The following CTSS variants were observed in gnomAD, a reference collection of about 807,000 sequenced individuals.
CTSS encodes cathepsin S.
In CTSS, 15 loss-of-function variants were observed where a neutral mutation model predicts 39.9. That is an observed-to-expected ratio of 0.38 (90% CI 0.25 to 0.58). The LOEUF (loss-of-function observed/expected upper bound fraction) is 0.58, where lower values mean the gene tolerates loss of function less well. Among genes scored for constraint, CTSS ranks in the 20% least tolerant of loss-of-function variants. CTSS has a pLI of 0.70. For synonymous variants in CTSS, 126 were observed against 138.2 expected (o/e 0.91, Z 0.62); for missense variants, 250 against 398.2 (o/e 0.63, Z 3.17).
At chr1:150,745,094 G>T (rs370443598) in intron 7 of CTSS, among the ~76,000 whole-genome samples, 2 of 152,118 alleles carry the variant, frequency 1.3e-5, no homozygotes, top group South Asian at 4.1e-4. Context: ...TTTCCCCATG[G>T]GCCATACGAA....
At chr1:150,757,099 G>A (rs1370963684) in intron 3 of CTSS, among the ~76,000 whole-genome samples, 5 of 152,166 alleles carry the variant, frequency 3.3e-5, no homozygotes, top group Non-Finnish European at 7.3e-5. Context: ...AGAAAAAACA[G>A]TAATAGTTGT....
chr1:150,764,875 T>G, intron 1 of CTSS, 111 bp from the exon 2 acceptor site: 4 of 1,275,694 alleles, frequency 3.1e-6, no homozygotes, highest in Non-Finnish European at 4.4e-6. Context: ...GGACAGACTA[T>G]TATAAACAGA....
chr1:150,752,202 G>A (rs1653022159), intron 4 of CTSS, among the ~76,000 whole-genome samples, 194 bp from the exon 5 acceptor site: 1 of 152,170 alleles, frequency 6.6e-6, no homozygotes, highest in Non-Finnish European at 1.5e-5. Context: ...ATCTAGGCAA[G>A]GTCCAACCTT....
In CTSS at chr1:150,732,285, A is replaced by G. The variant is rs1191555803; in HGVS notation, c.*761T>C. 4 of 152,136 alleles carry G rather than the reference A, an allele frequency of 2.6e-5. No individual in the cohort carries two copies. The highest frequency in any genetic ancestry group is 1.3e-4 in the Admixed American group (2 of 15,276). 9.4% of individuals were successfully genotyped at this position (152,136 alleles called of 1,614,324 possible). On this transcript the variant is annotated 3_prime_UTR_variant, in exon 8 of 8. Transcript: ENST00000368985. ...TATAGCCTAATATTTTCTTCCATCA[A>G]AGTTGCTAAACCCCATCACCAGAAT...
chr1:150,739,967 T>C (rs1652715084), intron 7 of CTSS, among the ~76,000 whole-genome samples: 1 of 152,242 alleles, frequency 6.6e-6, no homozygotes. Flanking sequence ...TGCAATGGAC[T>C]ACACATGCAC....
intron 3 of CTSS, 53 bp downstream of exon 3, chr1:150,757,805 A>G (rs1653164901): frequency 1.3e-6 from 2 of 1,580,774 alleles, no homozygotes; most frequent in East Asian, 2.3e-5. Flanking sequence ...GGAGACAGAA[A>G]GGAAATGATA....
Position 150,755,031 on chromosome 1 carries a change from C to G in CTSS, c.369G>C (p.Glu123Asp). 1.2e-6 allele frequency: 2 copies of G among 1,614,126 alleles called. No homozygotes were observed. The highest frequency in any genetic ancestry group is 4.5e-5 in the East Asian group (2 of 44,878). ...RILPDSVDWR[E>D]KGCVTEVKYQ... is the part of the protein sequence containing the mutation. ...ATTTCACTTCAGTAACACACCCTTT[C>G]TCTCTCCAGTCCACAGAATCAGGCA... The change falls in exon 4 of 8, where the codon GAG becomes GAC. Residue 123 changes from glutamate to aspartate, a missense_variant. By Grantham distance (45) the Glu-to-Asp change is conservative (BLOSUM62 2). Coordinates refer to ENST00000368985, the MANE Select transcript of CTSS (RefSeq NM_004079.5).
At chr1:150,735,842 C>T (rs753601753) in intron 7 of CTSS, among the ~76,000 whole-genome samples, 5 of 151,360 alleles carry the variant, frequency 3.3e-5, no homozygotes, top group African/African-American at 4.9e-5. Flanking sequence ...CTGCAAGCTC[C>T]GCCTCCCGGG....
rs1460645079 is a variant in CTSS, at chr1:150,747,962, A to G, written c.794-83T>C. 6.5e-6 allele frequency: 6 copies of G among 920,710 alleles called. No individual in the cohort carries two copies. The East Asian group carries it at 1.5e-4, about 23-fold the overall frequency. The allele number at this position is 920,710 out of a possible 1,614,324, so 57.0% of individuals were successfully genotyped here. On this transcript the variant is annotated intron_variant, in intron 6 of 7. Coordinates refer to ENST00000368985, the MANE Select transcript of CTSS (RefSeq NM_004079.5). ...TTTTAAAACGGTATTACTTTTTATT[A>G]GCCTGCTTTGGATACATAGCAAGGT...
At chr1:150,738,589 C>A (rs780226922) in intron 7 of CTSS, among the ~76,000 whole-genome samples, 1 of 150,972 alleles carries the variant, frequency 6.6e-6, no homozygotes, top group Non-Finnish European at 1.5e-5. Context: ...CCAGGTCTCA[C>A]GCTCCTGCCT....
rs371407351 is a variant in CTSS, at chr1:150,730,560, G to A, written c.*2486C>T. The A allele has an allele frequency of 9.4e-4, 56 of 59,552 alleles. No individual in the cohort carries two copies. The highest frequency in any genetic ancestry group is 2.7e-3 in the African/African-American group (55 of 20,052). 3.7% of individuals were successfully genotyped at this position (59,552 alleles called of 1,614,324 possible). A position where few individuals can be genotyped will look rare whatever the true frequency, so the allele number is the denominator to read the frequency against. On this transcript the variant is annotated 3_prime_UTR_variant, in exon 8 of 8. Coordinates refer to ENST00000368985, the MANE Select transcript of CTSS (RefSeq NM_004079.5). ...CTGCTTCTGGGGAGAACAGCAGGCA[G>A]AAGGTCAGAGTCACCTTCCTGCTTC...
At chr1:150,749,587 GCCCCGCCCCA>G (rs1652965469) in intron 6 of CTSS, among the ~76,000 whole-genome samples, 3 of 7,512 alleles carry the variant, frequency 4.0e-4, no homozygotes, top group Non-Finnish European at 9.3e-4. Context: ...GCCCCGCCCC[GCCCCGCCCCA>G]CCTTGCCCTG....
At chr1:150,741,386 A>T in intron 7 of CTSS, among the ~76,000 whole-genome samples, 1 of 152,308 alleles carries the variant, frequency 6.6e-6, no homozygotes, top group East Asian at 1.9e-4. Context: ...GGTTATTAAT[A>T]ATAGTCTGAA....
chr1:150,739,573 A>T (rs1652702969), intron 7 of CTSS, among the ~76,000 whole-genome samples: 1 of 152,132 alleles, frequency 6.6e-6, no homozygotes, highest in Non-Finnish European at 1.5e-5. Context: ...ACATGCCTGT[A>T]GTCTCAGCTA....
chr1:150,734,640 T>C (rs1010767538), intron 7 of CTSS, among the ~76,000 whole-genome samples: 3 of 151,882 alleles, frequency 2.0e-5, no homozygotes, highest in Admixed American at 6.6e-5. Context: ...AGTGAGACTG[T>C]CTCAAAAAAA....
rs587717902 is a variant in CTSS at position 150,757,894 on chromosome 1, G to A, written c.213C>T (p.His71=). 865 of 1,613,960 alleles carry A rather than the reference G, an allele frequency of 5.4e-4. 7 individuals carry two copies. The South Asian group carries it at 8.7e-3, about 16-fold the overall frequency. Residue 71 remains histidine (H), a synonymous_variant, in exon 3 of 8, where the codon CAC becomes CAT. Coordinates refer to ENST00000368985, the MANE Select transcript of CTSS (RefSeq NM_004079.5). ...LHNLEHSMGM[H]SYDLGMNHLG... ...GGTGGTTCATGCCCAGATCGTATGA[G>A]TGCATTCCCATTGAATGCTCCAGGT...
Position 150,731,663 on chromosome 1 carries a change from C to T in CTSS, c.*1383G>A, listed in dbSNP as rs1170960881. On this transcript the variant is annotated 3_prime_UTR_variant, in exon 8 of 8. Coordinates refer to ENST00000368985, the MANE Select transcript of CTSS (RefSeq NM_004079.5). The stretch of plus-strand genomic sequence containing the variant: ...GTTCCTGCTGCCTGCTTAGATGCAT[C>T]TACTAATCTAGAGCAGTTGTAAGGA... The T allele has an allele frequency of 6.6e-6, 1 of 152,100 alleles. No individual in the cohort carries two copies. The highest frequency in any genetic ancestry group is 1.5e-5 in the Non-Finnish European group (1 of 68,016). 9.4% of individuals were successfully genotyped at this position (152,100 alleles called of 1,614,324 possible).
intron 2 of CTSS, among the ~76,000 whole-genome samples, chr1:150,763,149 G>A (rs1239399255): frequency 4.6e-5 from 7 of 151,830 alleles, no homozygotes. Context: ...AACATGGATG[G>A]GTCTAGAGAA....
At chr1:150,752,696 A>C (rs922892658) in intron 4 of CTSS, among the ~76,000 whole-genome samples, 2 of 152,316 alleles carry the variant, frequency 1.3e-5, no homozygotes, top group East Asian at 3.9e-4. Context: ...CAGAGAAAGG[A>C]GCTCATTAAC....
Sources: gnomAD v4.1 joint callset for allele counts (sites outside exome capture counted in the v4.1 genomes callset) on GRCh38, gnomAD v4.1.1 for gene constraint, MANE v1.5 for transcripts, NCBI Gene and HGNC (gene_info 2026-07-23, HGNC 2026-07-21) for gene names.